The following URB1 variants were observed in gnomAD, a reference collection of about 807,000 sequenced individuals.
The protein encoded by URB1 is nucleolar pre-ribosomal-associated protein 1.
A neutral mutation model predicts 242.3 loss-of-function variants in URB1; 197 were observed. The observed-to-expected ratio is 0.81, with a 90% CI of 0.72 to 0.91. URB1 has a LOEUF of 0.91. Ranked by LOEUF, URB1 falls within the 40% of genes least tolerant of loss-of-function variation. URB1 has a pLI of 0.00. For synonymous variants in URB1, 1,153 were observed against 1,201.8 expected, an observed-to-expected ratio of 0.96 and a Z score of 0.84; for missense variants, 2,721 against 2,860.5, an observed-to-expected ratio of 0.95 and a Z score of 1.11.
rs9978210 is a variant in URB1 at position 32,338,920 on chromosome 21, G to C, written c.4317-20C>G. Reference sequence around the variant, plus strand: ...CGAAATCTAGGCGGCGAGAGTCAAAGGGAAAAGAGCTTTGCTAAAAGGAAA... The same window carrying C: ...CGAAATCTAGGCGGCGAGAGTCAAACGGAAAAGAGCTTTGCTAAAAGGAAA... On this transcript the variant is annotated intron_variant, in intron 25 of 38. Coordinates refer to ENST00000382751, the MANE Select transcript of URB1 (RefSeq NM_014825.3). 0.12 allele frequency: 185,499 copies of C among 1,517,446 alleles called. 12,553 individuals are homozygous for C. Among genetic ancestry groups the C allele is most frequent in the African/African-American group, 0.26 (18,689 of 71,714 alleles). 94.0% of individuals were successfully genotyped at this position (1,517,446 alleles called of 1,614,324 possible). A position where few individuals can be genotyped will look rare whatever the true frequency, so the allele number is the denominator to read the frequency against.
intron 1 of URB1, among the ~76,000 whole-genome samples, chr21:32,389,718 G>GT (rs2033618810): frequency 6.6e-6 from 1 of 152,216 alleles, no homozygotes; most frequent in Non-Finnish European, 1.5e-5. Context: ...GAGATCAAGA[G>GT]TTTAACCATT....
chr21:32,349,610 C>T, intron 20 of URB1, 127 bp from the exon 21 acceptor site: 2 of 929,306 alleles, frequency 2.2e-6, no homozygotes, highest in Non-Finnish European at 1.6e-6. Flanking sequence ...CAACTCCTCA[C>T]AGAGTGTGTG....
At chr21:32,377,270 G>A (rs1176581316) in intron 5 of URB1, 1 of 516,758 alleles carries the variant, frequency 1.9e-6, no homozygotes, top group East Asian at 5.5e-5. Flanking sequence ...CTCTGGCATG[G>A]GGTACTATGA....
chr21:32,347,189 G>A lies in URB1; in HGVS notation c.3635C>T (p.Pro1212Leu), dbSNP rs763609132. ...HTLQRDPVLA[P>L]AVGADLLDYC... ...GTCAAGCAGATCAGCCCCGACTGCG[G>A]GGGCCAGCACAGGGTCTCTCTGCAG... The change falls in exon 22 of 39, where the codon CCC becomes CTC. Residue 1212 changes from proline (P) to leucine (L), a missense_variant. Transcript: ENST00000382751. 603 of 1,549,752 alleles carry A rather than the reference G, an allele frequency of 3.9e-4. 1 individual carries two copies. The highest frequency in any genetic ancestry group is 4.4e-4 in the Non-Finnish European group (505 of 1,146,632).
chr21:32,317,914 G>A lies in URB1; in HGVS notation c.5796C>T (p.Pro1932=), dbSNP rs372482547. Residue 1932 remains proline (P), a synonymous_variant, in exon 37 of 39, where the codon CCC becomes CCT. Coordinates refer to ENST00000382751, the MANE Select transcript of URB1 (RefSeq NM_014825.3). ...TGGTCAGCTGGACGGGGGCCAAGGT[G>A]GGCCTGTTTGGGAGTCAATGTTACA... The part of the protein sequence containing the change: ...VLIVLMKHLR[P]TLAPVQLTNF... 1.1e-5 allele frequency: 17 copies of A among 1,551,448 alleles called. No individual in the cohort carries two copies. The African/African-American group carries it at 2.3e-4, about 21-fold the overall frequency.
chr21:32,344,903 T>C (rs919617778), intron 23 of URB1, 147 bp from the exon 24 acceptor site: 3 of 1,037,468 alleles, frequency 2.9e-6, no homozygotes, highest in African/African-American at 1.6e-5. Flanking sequence ...CAGGCTTCCC[T>C]GGACTCTTAC....
intron 1 of URB1, among the ~76,000 whole-genome samples, chr21:32,389,425 C>T (rs139411722): frequency 6.6e-6 from 1 of 152,318 alleles, no homozygotes; most frequent in Non-Finnish European, 1.5e-5. Flanking sequence ...TCTGAAGGAT[C>T]ATTTGACTGC....
chr21:32,358,136 G>C (rs895140140), intron 14 of URB1, among the ~76,000 whole-genome samples: 1 of 152,222 alleles, frequency 6.6e-6, no homozygotes, highest in African/African-American at 2.4e-5. Context: ...TTGGCAGGAA[G>C]AGTAGCAAGA....
intron 24 of URB1, among the ~76,000 whole-genome samples, chr21:32,342,899 C>G (rs1203194650): frequency 3.9e-5 from 6 of 152,122 alleles, no homozygotes. Context: ...CCACCCACAG[C>G]TCCAGTATCA....
At chr21:32,323,331 C>T (rs1252265919) in intron 32 of URB1, among the ~76,000 whole-genome samples, 1 of 152,148 alleles carries the variant, frequency 6.6e-6, no homozygotes, top group African/African-American at 2.4e-5. Flanking sequence ...AGCTATCTAC[C>T]CTTGGGAGCC....
At chr21:32,345,745 G>A (rs926755576) in intron 22 of URB1, among the ~76,000 whole-genome samples, 170 bp from the exon 23 acceptor site, 2 of 152,116 alleles carry the variant, frequency 1.3e-5, no homozygotes, top group African/African-American at 4.8e-5. Context: ...CATGGAAACT[G>A]GCACACCTGT....
rs745997243 is a variant in URB1, at chr21:32,325,201, C to T, written c.5121+28G>A. 7.8e-6 allele frequency: 12 copies of T among 1,532,232 alleles called. No individual in the cohort carries two copies. The African/African-American group carries it at 1.4e-4, about 18-fold the overall frequency. The allele number at this position is 1,532,232 out of a possible 1,614,324, so 94.9% of individuals were successfully genotyped here. ...CTGAAGTCCGCCAGGCCCACCCCCA[C>T]AGTAGGATGTACGCTCTTCCTACTT... is the stretch of plus-strand genomic sequence containing the variant. On this transcript the variant is annotated intron_variant, in intron 31 of 38. Coordinates refer to ENST00000382751, the MANE Select transcript of URB1 (RefSeq NM_014825.3).
chr21:32,341,537 T>G lies in URB1; in HGVS notation c.4258-13A>C. ...CATTAAGTGCATGCTATGAATAAAA[T>G]AAGTAAGAAAAACACATGAAACATC... On this transcript the variant is annotated splice_polypyrimidine_tract_variant and intron_variant, in intron 24 of 38. Coordinates refer to ENST00000382751, the MANE Select transcript of URB1 (RefSeq NM_014825.3). 2 of 1,550,654 alleles carry G rather than the reference T, an allele frequency of 1.3e-6. No individual in the cohort carries two copies. The highest frequency in any genetic ancestry group is 2.4e-5 in the South Asian group (2 of 83,992).
At position 32,319,267 on chromosome 21, in the gene URB1, G is replaced by A. The variant is rs368012003; in HGVS notation, c.5742C>T (p.His1914=). ...SQEPAKRLAL[H]LVNEFLYVLI... is the part of the protein sequence containing the mutation. ...GAACATAAAGGAACTCATTGACCAG[G>A]TGCAGGGCAAGCCGCTTGGCAGGCT... Residue 1914 remains histidine, a synonymous_variant, in exon 36 of 39, where the codon CAC becomes CAT. Transcript: ENST00000382751. 5.0e-5 allele frequency: 77 copies of A among 1,551,178 alleles called. No individual in the cohort carries two copies. The African/African-American group carries it at 9.9e-4, about 20-fold the overall frequency.
chr21:32,332,865 C>T (rs1488151253), intron 30 of URB1, among the ~76,000 whole-genome samples: 2 of 152,146 alleles, frequency 1.3e-5, no homozygotes, highest in Non-Finnish European at 2.9e-5. Context: ...TCTCTCCCCA[C>T]AACCCATTCA....
intron 24 of URB1, among the ~76,000 whole-genome samples, chr21:32,342,420 A>G (rs1467509411): frequency 6.6e-6 from 1 of 152,142 alleles, no homozygotes; most frequent in Non-Finnish European, 1.5e-5. Flanking sequence ...AGGAAATCCA[A>G]GGAGATCCTG....
intron 10 of URB1, among the ~76,000 whole-genome samples, chr21:32,364,048 C>CA (rs534256961): frequency 4.0e-5 from 6 of 148,366 alleles, no homozygotes; most frequent in Admixed American, 6.7e-5. Flanking sequence ...GAGGAATGGC[C>CA]AAAAAAAAAT....
chr21:32,356,206 A>G (rs2033218416), intron 15 of URB1, among the ~76,000 whole-genome samples: 1 of 152,004 alleles, frequency 6.6e-6, no homozygotes, highest in Non-Finnish European at 1.5e-5. Context: ...CATAGTTGAG[A>G]CTCTGCCTCT....
intron 11 of URB1, among the ~76,000 whole-genome samples, chr21:32,362,362 C>T (rs62216180): frequency 0.034 from 5,110 of 152,176 alleles, 133 homozygotes; most frequent in Non-Finnish European, 0.054. Context: ...CCCACCATCA[C>T]ATCCAGCTAA....
Sources: allele counts gnomAD v4.1 joint callset (sites outside exome capture counted in the v4.1 genomes callset), GRCh38; gene constraint gnomAD v4.1.1; transcripts MANE v1.5; gene names NCBI Gene and HGNC (gene_info 2026-07-23, HGNC 2026-07-21).